The following CASR variants were observed in gnomAD, a reference collection of about 807,000 sequenced individuals.
The protein encoded by CASR is calcium sensing receptor.
Under a neutral mutation model 69.1 loss-of-function variants are expected in CASR, and 23 were observed. The observed-to-expected ratio is 0.33, with a 90% CI of 0.24 to 0.47. CASR has a LOEUF of 0.47. Among genes scored for constraint, CASR ranks in the 20% least tolerant of loss-of-function variants. The probability of loss-of-function intolerance (pLI) is 1.00; values close to 1 mark genes in which losing one functional copy is unlikely to be tolerated. For synonymous variants in CASR, 541 were observed against 544.7 expected, an observed-to-expected ratio of 0.99 and a Z score of 0.10; for missense variants, 924 against 1,356.1, an observed-to-expected ratio of 0.68 and a Z score of 5.00.
At chr3:122,272,498 C>T (rs935568249) in intron 4 of CASR, among the ~76,000 whole-genome samples, 1 of 152,150 alleles carries the variant, frequency 6.6e-6, no homozygotes, top group African/African-American at 2.4e-5. Flanking sequence ...TGTCCTTTGC[C>T]AGCCAAAATA....
chr3:122,238,820 C>T (rs575317895), intron 1 of CASR, among the ~76,000 whole-genome samples: 53 of 152,252 alleles, frequency 3.5e-4, no homozygotes, highest in African/African-American at 1.3e-3. Context: ...CTAGACATGC[C>T]CTGGGCCAGA....
chr3:122,280,334 T>C (rs1338502008), intron 5 of CASR, among the ~76,000 whole-genome samples: 4 of 152,052 alleles, frequency 2.6e-5, no homozygotes, highest in Non-Finnish European at 5.9e-5. Flanking sequence ...TTATTCAACA[T>C]AATATTGGAA....
At chr3:122,200,522 AT>A (rs896304068) in intron 1 of CASR, among the ~76,000 whole-genome samples, 1 of 152,196 alleles carries the variant, frequency 6.6e-6, no homozygotes, top group Non-Finnish European at 1.5e-5. Context: ...TTTTTAAAAA[AT>A]GTATTATATT....
Position 122,284,250 on chromosome 3 carries a change from C to T in CASR, c.2296C>T (p.His766Tyr), listed in dbSNP as rs776652154. Residue 766 changes from histidine (H) to tyrosine (Y), a missense_variant, in exon 7 of 7, where the codon CAC (histidine) becomes TAC (tyrosine). Physicochemically the swap from His to Tyr is moderately conservative, Grantham distance 83. This residue lies in a region of CASR where 184 missense variants were observed against 278.8 expected (regional missense o/e 0.66). Coordinates refer to ENST00000639785, the MANE Select transcript of CASR (RefSeq NM_000388.4). The part of the protein sequence containing the change: ...LEDEIIFITC[H>Y]EGSLMALGFL... ...GGATGAGATCATCTTCATCACGTGC[C>T]ACGAGGGCTCCCTCATGGCCCTGGG... is the stretch of plus-strand genomic sequence containing the variant. The T allele has an allele frequency of 6.2e-7, 1 of 1,614,148 alleles. No homozygotes were observed. Among genetic ancestry groups the T allele is most frequent in the Admixed American group, 1.7e-5 (1 of 60,032 alleles).
At chr3:122,234,686 C>T (rs2074312425) in intron 1 of CASR, among the ~76,000 whole-genome samples, 1 of 152,146 alleles carries the variant, frequency 6.6e-6, no homozygotes, top group African/African-American at 2.4e-5. Context: ...CATCTCTTAC[C>T]CTGACCAGCT....
At chr3:122,226,658 G>C (rs1433160069) in intron 1 of CASR, among the ~76,000 whole-genome samples, 1 of 152,106 alleles carries the variant, frequency 6.6e-6, no homozygotes, top group African/African-American at 2.4e-5. Flanking sequence ...AGATTAGCTA[G>C]ATACAGAGTG....
intron 5 of CASR, among the ~76,000 whole-genome samples, chr3:122,279,216 GGAGTGC>G (rs1380498553): frequency 6.6e-6 from 1 of 152,128 alleles, no homozygotes; most frequent in Non-Finnish European, 1.5e-5. Context: ...CCAACATTAT[GGAGTGC>G]TATATCACTC....
rs1465483643 is a variant in CASR, at chr3:122,289,040, C to T, written c.*3849C>T. 6.6e-6 allele frequency: 1 copy of T among 152,162 alleles called. No individual in the cohort carries two copies. Among genetic ancestry groups the T allele is most frequent in the African/African-American group, 2.4e-5 (1 of 41,422 alleles). 9.4% of individuals were successfully genotyped at this position (152,162 alleles called of 1,614,324 possible). A position where few individuals can be genotyped will look rare whatever the true frequency, so the allele number is the denominator to read the frequency against. On this transcript the variant is annotated 3_prime_UTR_variant, in exon 7 of 7. Coordinates refer to ENST00000639785, the MANE Select transcript of CASR (RefSeq NM_000388.4). Reference sequence around the variant, plus strand: ...TTTGGGGAAGTTGGGGCTACCCTACCTCTGTCTCCAAAAGGCACATTTCAA... The same window carrying T: ...TTTGGGGAAGTTGGGGCTACCCTACTTCTGTCTCCAAAAGGCACATTTCAA...
intron 1 of CASR, among the ~76,000 whole-genome samples, chr3:122,220,458 C>T (rs1199643334): frequency 6.6e-6 from 1 of 152,220 alleles, no homozygotes; most frequent in Non-Finnish European, 1.5e-5. Flanking sequence ...TACAGAGCAA[C>T]ATCTCTGTTG....
At chr3:122,218,975 G>C (rs2074144988) in intron 1 of CASR, among the ~76,000 whole-genome samples, 1 of 152,154 alleles carries the variant, frequency 6.6e-6, no homozygotes, top group Non-Finnish European at 1.5e-5. Flanking sequence ...GAGCATTCTG[G>C]GTAGAGGAAA....
chr3:122,252,532 GGGGA>G (rs2107623398), intron 1 of CASR, among the ~76,000 whole-genome samples: 1 of 150,438 alleles, frequency 6.6e-6, no homozygotes, highest in Admixed American at 6.6e-5. Context: ...AAGGCGGGGA[GGGGA>G]GGGGAGAGGG....
intron 1 of CASR, among the ~76,000 whole-genome samples, chr3:122,186,502 T>C (rs1399598893): frequency 1.3e-5 from 2 of 152,196 alleles, no homozygotes; most frequent in African/African-American, 4.8e-5. Flanking sequence ...TCATTCAAAA[T>C]GTTTATAGAG....
intron 1 of CASR, among the ~76,000 whole-genome samples, chr3:122,225,450 T>C (rs1174124833): frequency 6.7e-6 from 1 of 149,942 alleles, no homozygotes. Context: ...TGTGGCCAAA[T>C]GTATGGAAAA....
rs59112296 is a variant in CASR, at chr3:122,281,972, C to T, written c.1609-141C>T. Reference sequence around the variant, plus strand: ...CAGAACCAAGGACCTCTGGACCTCCCTTTGCCTGGAATGGGCCCAACGTCT... The same window carrying T: ...CAGAACCAAGGACCTCTGGACCTCCTTTTGCCTGGAATGGGCCCAACGTCT... On this transcript the variant is annotated intron_variant, in intron 5 of 6. Coordinates refer to ENST00000639785, the MANE Select transcript of CASR (RefSeq NM_000388.4). 1,071 of 1,196,234 alleles carry T rather than the reference C, an allele frequency of 9.0e-4. 13 individuals carry two copies. In the East Asian group the frequency reaches 0.021, roughly 23 times the overall value. The allele number at this position is 1,196,234 out of a possible 1,614,324, so 74.1% of individuals were successfully genotyped here.
chr3:122,287,977 G>T lies in CASR; in HGVS notation c.*2786G>T, dbSNP rs2074984267. 1 of 152,230 alleles carries T rather than the reference G, an allele frequency of 6.6e-6. No homozygotes were observed. Among genetic ancestry groups the T allele is most frequent in the African/African-American group, 2.4e-5 (1 of 41,448 alleles). The allele number at this position is 152,230 out of a possible 1,614,324, so 9.4% of individuals were successfully genotyped here. ...ATAGACTTCGTAGTGGGCAAATAAT[G>T]GTCACCCAAAGATGCCCACATCCTC... On this transcript the variant is annotated 3_prime_UTR_variant, in exon 7 of 7. Coordinates refer to ENST00000639785, the MANE Select transcript of CASR (RefSeq NM_000388.4).
chr3:122,252,604 C>A (rs571332365), intron 1 of CASR, among the ~76,000 whole-genome samples: 1 of 151,028 alleles, frequency 6.6e-6, no homozygotes, highest in East Asian at 1.9e-4. Flanking sequence ...TTGGAAATGG[C>A]GAGGAGTAAA....
At chr3:122,243,940 A>G (rs964487273) in intron 1 of CASR, among the ~76,000 whole-genome samples, 9 of 152,156 alleles carry the variant, frequency 5.9e-5, no homozygotes, top group Non-Finnish European at 1.0e-4. Context: ...TGGACTTTGC[A>G]TGTTCTAACT....
At chr3:122,219,690 A>C (rs2074152124) in intron 1 of CASR, among the ~76,000 whole-genome samples, 1 of 152,250 alleles carries the variant, frequency 6.6e-6, no homozygotes, top group South Asian at 2.1e-4. Context: ...TGCCAGTTCA[A>C]GGTTACAGGG....
chr3:122,224,379 G>A (rs1412402804), intron 1 of CASR, among the ~76,000 whole-genome samples: 1 of 152,118 alleles, frequency 6.6e-6, no homozygotes, highest in African/African-American at 2.4e-5. Context: ...AAATTCAGTA[G>A]CATTACTATA....
Sources: gnomAD v4.1 joint callset for allele counts (sites outside exome capture counted in the v4.1 genomes callset) on GRCh38, gnomAD v4.1.1 for gene constraint, gnomAD v4.1.1 regional missense constraint, MANE v1.5 for transcripts, NCBI Gene and HGNC (gene_info 2026-07-23, HGNC 2026-07-21) for gene names.